DMGDH: variants seen among roughly 807,000 people sequenced by gnomAD.
DMGDH encodes the protein dimethylglycine dehydrogenase, mitochondrial.
DMGDH carries 76 observed loss-of-function variants against 95.2 expected under a neutral mutation model. The observed-to-expected ratio is 0.80, with a 90% confidence interval of 0.66 to 0.97. The LOEUF is 0.97. Ranked by LOEUF, DMGDH falls within the 50% of genes least tolerant of loss-of-function variation. DMGDH has a pLI of 0.00. For synonymous variants in DMGDH, 345 were observed against 377.6 expected (o/e 0.91, Z 1.00); for missense variants, 987 against 1,055.0 (o/e 0.94, Z 0.89).
At chr5:79,000,839 A>G in intron 15 of DMGDH, 1 of 635,704 alleles carries the variant, frequency 1.6e-6, no homozygotes, top group South Asian at 1.9e-5. Context: ...TGGGGTGGCC[A>G]CATATATATT....
intron 14 of DMGDH, among the ~76,000 whole-genome samples, chr5:79,013,996 C>A (rs534900869): frequency 3.6e-4 from 55 of 152,276 alleles, no homozygotes; most frequent in African/African-American, 1.1e-3. Context: ...TCATATCACT[C>A]CCACACACAG....
At chr5:79,002,787 T>A (rs1274316263) in intron 15 of DMGDH, among the ~76,000 whole-genome samples, 1 of 152,148 alleles carries the variant, frequency 6.6e-6, no homozygotes, top group East Asian at 1.9e-4. Flanking sequence ...GTAAAGAGGA[T>A]CCAAGGAGGG....
At position 79,051,316 on chromosome 5, in the gene DMGDH, A is replaced by T. The variant is rs766625132; in HGVS notation, c.716T>A (p.Met239Lys). 7.3e-5 allele frequency: 118 copies of T among 1,614,014 alleles called. No individual in the cohort carries two copies. Among genetic ancestry groups the T allele is most frequent in the Non-Finnish European group, 9.7e-5 (115 of 1,179,962 alleles). ...AGCATTCACAATTCTATTTGCTCTC[A>T]TAGACCCCTGTGGTGTTTCAACGTC... ...TWDVETPQGS[M>K]RANRIVNAAG... is the part of the protein sequence containing the mutation. Residue 239 changes from methionine to lysine, a missense_variant, in exon 5 of 16, where the codon ATG becomes AAG. Transcript: ENST00000255189.
In DMGDH at chr5:79,044,510, T is replaced by C; in HGVS notation, c.788A>G (p.His263Arg). ...TTGATGTTGAACCGGAATGAGAGGA[T>C]GTTCTAGTCCAATCATTTTACCTAC... ...REVGKMIGLEHPLIPVQHQYV... is the reference protein window; with the variant it reads ...REVGKMIGLERPLIPVQHQYV... The change falls in exon 6 of 16, where the codon CAT (histidine) becomes CGT (arginine). Residue 263 changes from histidine (H) to arginine (R), a missense_variant. His to Arg is a conservative substitution (Grantham distance 29, BLOSUM62 0). Transcript: ENST00000255189. 6.2e-7 allele frequency: 1 copy of C among 1,614,080 alleles called. No individual in the cohort carries two copies. The highest frequency in any genetic ancestry group is 8.5e-7 in the Non-Finnish European group (1 of 1,179,932).
intron 7 of DMGDH, 24 bp from the exon 8 acceptor site, chr5:79,033,432 C>T (rs1754251167): frequency 6.2e-7 from 1 of 1,613,404 alleles, no homozygotes; most frequent in Non-Finnish European, 8.5e-7. Flanking sequence ...GGATAGAAAA[C>T]CCATTACTAA....
At chr5:79,063,566 C>T in intron 2 of DMGDH, 47 bp downstream of exon 2, 1 of 1,611,806 alleles carries the variant, frequency 6.2e-7, no homozygotes, top group Non-Finnish European at 8.5e-7. Flanking sequence ...ATGGACTTTA[C>T]TCATGCACAA....
chr5:79,004,311 G>T (rs1753506787), intron 15 of DMGDH, among the ~76,000 whole-genome samples: 1 of 152,154 alleles, frequency 6.6e-6, no homozygotes, highest in African/African-American at 2.4e-5. Flanking sequence ...AGCCCCAAAG[G>T]CTGTGATTTG....
intron 7 of DMGDH, among the ~76,000 whole-genome samples, chr5:79,041,722 C>A (rs1175865308): frequency 6.6e-6 from 1 of 152,080 alleles, no homozygotes; most frequent in African/African-American, 2.4e-5. Flanking sequence ...AGGCCGGGTG[C>A]GGTGGTTCAC....
Position 79,063,659 on chromosome 5 carries a change from A to G in DMGDH, c.230T>C (p.Val77Ala). The part of the protein sequence containing the change: ...HLAKAGMKDV[V>A]LLEKSELTAG... ...CGTGAGCTCTGATTTCTCCAGCAGG[A>G]CCACATCTTTCATCCCTGCTTTGGC... The change falls in exon 2 of 16, where the codon GTC becomes GCC. Residue 77 changes from valine (V) to alanine (A), a missense_variant. Physicochemically the swap from Val to Ala is moderately conservative, Grantham distance 64. Coordinates refer to ENST00000255189, the MANE Select transcript of DMGDH (RefSeq NM_013391.3). The G allele has an allele frequency of 3.7e-6, 6 of 1,614,194 alleles. No individual in the cohort carries two copies. The highest frequency in any genetic ancestry group is 5.1e-6 in the Non-Finnish European group (6 of 1,180,030).
At chr5:79,017,974 T>C (rs1753770744) in intron 14 of DMGDH, among the ~76,000 whole-genome samples, 1 of 152,228 alleles carries the variant, frequency 6.6e-6, no homozygotes, top group Admixed American at 6.5e-5. Context: ...ACATCCCAAA[T>C]ATTTATCAAT....
chr5:79,019,502 G>C (rs1050687371), intron 14 of DMGDH, among the ~76,000 whole-genome samples: 3 of 151,888 alleles, frequency 2.0e-5, no homozygotes, highest in Admixed American at 2.0e-4. Flanking sequence ...AGGAACCATG[G>C]ACCTTACACC....
chr5:79,032,861 C>G, intron 8 of DMGDH, 21 bp from the exon 9 acceptor site: 1 of 1,613,694 alleles, frequency 6.2e-7, no homozygotes, highest in South Asian at 1.1e-5. Context: ...AAAATTGGTA[C>G]TTTAAATCAC....
At chr5:79,009,360 C>CTTTTTTTTTTTTTTTTTTTTT (rs372464439) in intron 14 of DMGDH, among the ~76,000 whole-genome samples, 1 of 107,744 alleles carries the variant, frequency 9.3e-6, no homozygotes, top group African/African-American at 3.4e-5. Context: ...CTTTTCTTTT[C>CTTTTTTTTTTTTTTTTTTTTT]TTTTCTTTTT....
chr5:79,012,688 AC>A (rs1224234055), intron 14 of DMGDH, among the ~76,000 whole-genome samples: 1 of 152,262 alleles, frequency 6.6e-6, no homozygotes, highest in Non-Finnish European at 1.5e-5. Context: ...CACTTTGTGC[AC>A]CCACAGGCTT....
Position 79,051,213 on chromosome 5 carries a change from C to T in DMGDH, c.745+74G>A, listed in dbSNP as rs148747766. ...GTGCTTCATGACAATGTCCATCGTA[C>T]GAAACATTACGGCTAAATATCTTCT... On this transcript the variant is annotated intron_variant, in intron 5 of 15. Coordinates refer to ENST00000255189, the MANE Select transcript of DMGDH (RefSeq NM_013391.3). The T allele has an allele frequency of 2.2e-4, 323 of 1,485,100 alleles. 4 individuals are homozygous for T. In the African/African-American group the frequency reaches 3.2e-3, roughly 15 times the overall value. The allele number at this position is 1,485,100 out of a possible 1,614,324, so 92.0% of individuals were successfully genotyped here. A position where few individuals can be genotyped will look rare whatever the true frequency, so the allele number is the denominator to read the frequency against.
chr5:79,060,329 C>T (rs1755162087), intron 2 of DMGDH, among the ~76,000 whole-genome samples: 2 of 152,304 alleles, frequency 1.3e-5, no homozygotes, highest in South Asian at 2.1e-4. Flanking sequence ...TCCATCCTCT[C>T]TTGTTTCCCT....
At chr5:79,026,289 A>G (rs189753793) in intron 13 of DMGDH, 135 bp downstream of exon 13, 73 of 1,108,864 alleles carry the variant, frequency 6.6e-5, no homozygotes, top group Non-Finnish European at 6.6e-6. Flanking sequence ...CTCTTCCCCT[A>G]ATGAAATAAA....
intron 14 of DMGDH, among the ~76,000 whole-genome samples, chr5:79,023,495 C>A (rs1753916036): frequency 6.6e-6 from 1 of 152,128 alleles, no homozygotes; most frequent in Non-Finnish European, 1.5e-5. Context: ...GCTTCTCAAA[C>A]CTTAGATGCA....
At chr5:79,055,773 C>T in intron 3 of DMGDH, 37 bp downstream of exon 3, 1 of 1,363,282 alleles carries the variant, frequency 7.3e-7, no homozygotes. Context: ...TTCTGAGAAG[C>T]CGACCTAACA....
Sources: allele counts gnomAD v4.1 joint callset (sites outside exome capture counted in the v4.1 genomes callset), GRCh38; gene constraint gnomAD v4.1.1; transcripts MANE v1.5; gene names NCBI Gene and HGNC (gene_info 2026-07-23, HGNC 2026-07-21).